VGLL4: variants seen among roughly 807,000 people sequenced by gnomAD.
The protein encoded by VGLL4 is transcription cofactor vestigial-like protein 4.
A neutral mutation model predicts 21.0 loss-of-function variants in VGLL4; 7 were observed. The ratio of observed to expected loss-of-function variants is 0.33; its 90% confidence interval spans 0.19 to 0.63. The LOEUF (loss-of-function observed/expected upper bound fraction) is 0.63. VGLL4 is among the 20% of genes least tolerant of loss of function. The pLI is 0.78. For missense variants in VGLL4, 394 were observed against 425.7 expected, an observed-to-expected ratio of 0.93 and a Z score of 0.66; for synonymous variants, 222 against 173.2, an observed-to-expected ratio of 1.28 and a Z score of -2.21.
chr3:11,584,040 T>C (rs978024234), intron 2 of VGLL4, among the ~76,000 whole-genome samples: 1 of 152,228 alleles, frequency 6.6e-6, no homozygotes, highest in African/African-American at 2.4e-5. Context: ...TTCCAGAACA[T>C]TTTACGAGGC....
intron 2 of VGLL4, among the ~76,000 whole-genome samples, chr3:11,588,044 A>G (rs181282495): frequency 3.7e-4 from 56 of 152,332 alleles, no homozygotes; most frequent in Non-Finnish European, 5.9e-4. Flanking sequence ...TCAAGGCTCT[A>G]AGGGAGAAAA....
At chr3:11,614,090 C>T (rs1387730514) in intron 1 of VGLL4, among the ~76,000 whole-genome samples, 7 of 152,360 alleles carry the variant, frequency 4.6e-5, no homozygotes, top group African/African-American at 9.6e-5. Context: ...ATACCCGGCA[C>T]GGTGCCGCCT....
At chr3:11,690,914 T>C (rs893832539) in intron 2 of VGLL4, among the ~76,000 whole-genome samples, 2 of 152,152 alleles carry the variant, frequency 1.3e-5, no homozygotes, top group African/African-American at 4.8e-5. Context: ...TCAACGAGTA[T>C]TTCATAAATG....
intron 2 of VGLL4, among the ~76,000 whole-genome samples, chr3:11,589,604 G>A (rs2125240913): frequency 6.6e-6 from 1 of 152,334 alleles, no homozygotes; most frequent in Non-Finnish European, 1.5e-5. Context: ...GGGGATGAAG[G>A]ATTCTGTCTT....
intron 2 of VGLL4, among the ~76,000 whole-genome samples, chr3:11,658,136 C>T (rs1452161237): frequency 1.3e-5 from 2 of 152,078 alleles, no homozygotes; most frequent in Admixed American, 6.5e-5. Flanking sequence ...TGTCTGGCCA[C>T]GTTGCCCAGG....
chr3:11,637,824 G>A (rs1024363502), intron 1 of VGLL4, among the ~76,000 whole-genome samples: 7 of 152,300 alleles, frequency 4.6e-5, no homozygotes, highest in Admixed American at 3.9e-4. Flanking sequence ...TGGAGTTGGG[G>A]GGTGGGAAAT....
chr3:11,592,465 C>A (rs368392714), intron 2 of VGLL4, among the ~76,000 whole-genome samples: 3 of 152,124 alleles, frequency 2.0e-5, no homozygotes, highest in East Asian at 1.9e-4. Context: ...TGGAGTGTGC[C>A]GAACTACTAA....
intron 1 of VGLL4, among the ~76,000 whole-genome samples, chr3:11,603,335 GAACTTT>G (rs1269167895): frequency 5.9e-5 from 9 of 152,048 alleles, no homozygotes; most frequent in Non-Finnish European, 5.9e-5. Context: ...AAGCAAACTG[GAACTTT>G]CCATTTTAAA....
chr3:11,562,329 A>G (rs2073096313), intron 3 of VGLL4, among the ~76,000 whole-genome samples: 1 of 152,118 alleles, frequency 6.6e-6, no homozygotes, highest in Admixed American at 6.5e-5. Flanking sequence ...TAGCCTCCCC[A>G]TACATGCCCC....
intron 1 of VGLL4, among the ~76,000 whole-genome samples, chr3:11,612,352 G>C (rs1419187774): frequency 1.3e-5 from 2 of 152,186 alleles, no homozygotes; most frequent in South Asian, 2.1e-4. Context: ...AACCTCCGTG[G>C]AATTGAGTAA....
At chr3:11,691,281 T>C (rs1219311269) in intron 2 of VGLL4, among the ~76,000 whole-genome samples, 1 of 150,582 alleles carries the variant, frequency 6.6e-6, no homozygotes, top group Non-Finnish European at 1.5e-5. Flanking sequence ...AGGACTATTG[T>C]CTCACTCACA....
chr3:11,666,286 G>A (rs1425838201), intron 2 of VGLL4, among the ~76,000 whole-genome samples: 3 of 151,778 alleles, frequency 2.0e-5, no homozygotes, highest in Admixed American at 6.6e-5. Context: ...TCTGTGCTGC[G>A]GGAAAGCACA....
At chr3:11,567,161 C>A (rs1226259105) in intron 2 of VGLL4, among the ~76,000 whole-genome samples, 2 of 152,136 alleles carry the variant, frequency 1.3e-5, no homozygotes, top group African/African-American at 2.4e-5. Flanking sequence ...AGCTTAGTGA[C>A]CCGAGGCGTT....
intron 1 of VGLL4, chr3:11,610,176 C>CGGTTGAGGAAAATAAATGGGAGGAAGA (rs1183284213): frequency 1.3e-5 from 2 of 152,296 alleles, no homozygotes; most frequent in African/African-American, 4.8e-5. Context: ...GACCCTGCTC[C>CGGTTGAGGAAAATAAATGGGAGGAAGA]CAGATTCCAC....
intron 2 of VGLL4, among the ~76,000 whole-genome samples, chr3:11,582,100 C>T (rs1432421897): frequency 2.0e-5 from 3 of 152,196 alleles, no homozygotes; most frequent in African/African-American, 4.8e-5. Flanking sequence ...GACAAGGTGG[C>T]GTTTGGGGAG....
At chr3:11,680,567 G>A (rs956326907) in intron 2 of VGLL4, among the ~76,000 whole-genome samples, 9 of 152,150 alleles carry the variant, frequency 5.9e-5, no homozygotes, top group Admixed American at 3.9e-4. Flanking sequence ...GGAAGACAGC[G>A]GGAGGACATC....
At chr3:11,576,053 G>A (rs931876968) in intron 2 of VGLL4, among the ~76,000 whole-genome samples, 5 of 152,188 alleles carry the variant, frequency 3.3e-5, no homozygotes, top group African/African-American at 1.2e-4. Flanking sequence ...TCCATTATTA[G>A]CTTTAGTTTT....
At chr3:11,690,134 C>T (rs2076506666) in intron 2 of VGLL4, among the ~76,000 whole-genome samples, 1 of 151,404 alleles carries the variant, frequency 6.6e-6, no homozygotes, top group South Asian at 2.1e-4. Context: ...GGTTGTTAGT[C>T]ACTGTAAACT....
At chr3:11,619,978 C>T (rs1433148384) in intron 1 of VGLL4, among the ~76,000 whole-genome samples, 1 of 152,132 alleles carries the variant, frequency 6.6e-6, no homozygotes, top group African/African-American at 2.4e-5. Flanking sequence ...CTGGGTTTCT[C>T]CTCCCTATAG....
Sources: allele counts gnomAD v4.1 joint callset (sites outside exome capture counted in the v4.1 genomes callset), GRCh38; gene constraint gnomAD v4.1.1; transcripts MANE v1.5; gene names NCBI Gene and HGNC (gene_info 2026-07-23, HGNC 2026-07-21).